The following EYS variants were observed in gnomAD, a reference collection of about 807,000 sequenced individuals.
EYS encodes protein eyes shut homolog.
A neutral mutation model predicts 282.1 loss-of-function variants in EYS; 250 were observed. The observed-to-expected ratio is 0.89, with a 90% CI of 0.80 to 0.98. The LOEUF is 0.98. Among genes scored for constraint, EYS ranks in the 50% least tolerant of loss-of-function variants. The pLI, the probability that EYS is intolerant of heterozygous loss-of-function variation, is 0.00. For synonymous variants in EYS, 1,355 were observed against 1,282.9 expected (o/e 1.06, Z -1.20); for missense variants, 4,016 against 3,709.0 (o/e 1.08, Z -2.15).
intron 22 of EYS, among the ~76,000 whole-genome samples, chr6:64,653,520 G>A (rs1768637129): frequency 6.6e-6 from 1 of 152,016 alleles, no homozygotes. Context: ...ACATGTTTCA[G>A]TTCATTAATT....
intron 35 of EYS, among the ~76,000 whole-genome samples, chr6:63,894,976 C>A (rs1773500033): frequency 6.6e-6 from 1 of 151,936 alleles, no homozygotes; most frequent in African/African-American, 2.4e-5. Context: ...TCCATGTTGG[C>A]TGTACTAAGA....
chr6:64,176,181 A>G (rs1764629186), intron 31 of EYS, among the ~76,000 whole-genome samples: 1 of 152,084 alleles, frequency 6.6e-6, no homozygotes, highest in African/African-American at 2.4e-5. Flanking sequence ...GGAATCAGAA[A>G]GGGAAGACCA....
At chr6:65,003,629 C>A (rs955659630) in intron 13 of EYS, among the ~76,000 whole-genome samples, 5 of 147,214 alleles carry the variant, frequency 3.4e-5, no homozygotes, top group Non-Finnish European at 7.6e-5. Context: ...ATCACAGAAC[C>A]TACCAACATG....
chr6:64,170,617 C>T (rs1562236323), intron 31 of EYS, among the ~76,000 whole-genome samples: 1 of 150,706 alleles, frequency 6.6e-6, no homozygotes, highest in South Asian at 2.1e-4. Flanking sequence ...CTCCTTATAG[C>T]AGCACCAGTA....
chr6:63,951,517 C>T (rs968326521), intron 35 of EYS, among the ~76,000 whole-genome samples: 4 of 152,104 alleles, frequency 2.6e-5, no homozygotes, highest in African/African-American at 9.7e-5. Context: ...TTTCAATCTT[C>T]CTTTTCTACC....
intron 12 of EYS, among the ~76,000 whole-genome samples, chr6:65,150,791 A>T (rs1353371209): frequency 1.3e-5 from 2 of 151,862 alleles, no homozygotes; most frequent in African/African-American, 4.8e-5. Flanking sequence ...AAAAATTTTG[A>T]TTTTTATCTC....
chr6:64,503,474 A>T (rs1186378357), intron 26 of EYS, among the ~76,000 whole-genome samples: 1 of 152,206 alleles, frequency 6.6e-6, no homozygotes, highest in Non-Finnish European at 1.5e-5. Flanking sequence ...CTTCCGTGGA[A>T]TTAAAGTGTT....
intron 26 of EYS, among the ~76,000 whole-genome samples, chr6:64,545,446 T>A (rs895789364): frequency 3.5e-4 from 54 of 152,274 alleles, no homozygotes; most frequent in African/African-American, 1.2e-3. Flanking sequence ...AGGCATTCCC[T>A]TTGAAAACTG....
chr6:64,004,464 T>C (rs977223621), intron 33 of EYS, among the ~76,000 whole-genome samples: 16 of 152,180 alleles, frequency 1.1e-4, no homozygotes, highest in African/African-American at 3.4e-4. Context: ...ATCACTTTTT[T>C]TTTTTAACTT....
intron 30 of EYS, among the ~76,000 whole-genome samples, chr6:64,284,690 A>C (rs542641908): frequency 6.6e-6 from 1 of 152,060 alleles, no homozygotes; most frequent in African/African-American, 2.4e-5. Context: ...ATTTCCATAC[A>C]TCTTCTGAAA....
intron 12 of EYS, among the ~76,000 whole-genome samples, chr6:65,272,168 A>G (rs960646452): frequency 6.6e-6 from 1 of 152,204 alleles, no homozygotes; most frequent in South Asian, 2.1e-4. Flanking sequence ...AAAGTATCAT[A>G]TACTCAGTCA....
intron 24 of EYS, among the ~76,000 whole-genome samples, chr6:64,596,688 C>T (rs1309691818): frequency 6.6e-6 from 1 of 152,136 alleles, no homozygotes; most frequent in African/African-American, 2.4e-5. Context: ...TCGTATCTCT[C>T]ACCATATACA....
intron 1 of EYS, among the ~76,000 whole-genome samples, chr6:65,642,787 G>T (rs924152944): frequency 2.6e-5 from 4 of 152,062 alleles, no homozygotes; most frequent in Admixed American, 6.6e-5. Flanking sequence ...TATATCTTAC[G>T]CAGATTTTTA....
chr6:63,940,925 C>T (rs1765217808), intron 35 of EYS, among the ~76,000 whole-genome samples: 1 of 149,550 alleles, frequency 6.7e-6, no homozygotes, highest in African/African-American at 2.5e-5. Context: ...TGAGTGAGAA[C>T]ATGCAGTGTT....
chr6:65,445,782 T>C (rs191710073), intron 5 of EYS, among the ~76,000 whole-genome samples: 23 of 151,950 alleles, frequency 1.5e-4, no homozygotes, highest in Non-Finnish European at 2.7e-4. Context: ...AGTTCTACTT[T>C]ATTGATGTTC....
chr6:64,690,421 G>T (rs1234829353), intron 22 of EYS, among the ~76,000 whole-genome samples: 1 of 152,128 alleles, frequency 6.6e-6, no homozygotes, highest in Non-Finnish European at 1.5e-5. Context: ...ACAGTGTGGC[G>T]ATTCCTCAAG....
intron 11 of EYS, among the ~76,000 whole-genome samples, chr6:65,315,067 T>A (rs1336691296): frequency 6.6e-6 from 1 of 152,052 alleles, no homozygotes; most frequent in Non-Finnish European, 1.5e-5. Context: ...CATCTCTGAC[T>A]TTTGTAGCCA....
chr6:64,338,009 C>T (rs1770921710), intron 29 of EYS, among the ~76,000 whole-genome samples: 1 of 151,910 alleles, frequency 6.6e-6, no homozygotes, highest in Non-Finnish European at 1.5e-5. Context: ...TATGACAAAC[C>T]CACAGTCAAC....
At chr6:64,701,836 C>G (rs1362638246) in intron 22 of EYS, among the ~76,000 whole-genome samples, 2 of 151,356 alleles carry the variant, frequency 1.3e-5, no homozygotes, top group Non-Finnish European at 2.9e-5. Flanking sequence ...TAAATTTATT[C>G]AAATAAAAAA....
Sources: allele counts gnomAD v4.1 joint callset (sites outside exome capture counted in the v4.1 genomes callset), GRCh38; gene constraint gnomAD v4.1.1; transcripts MANE v1.5; gene names NCBI Gene and HGNC (gene_info 2026-07-23, HGNC 2026-07-21).